The following RALY variants were observed in gnomAD, a reference collection of about 807,000 sequenced individuals.
RALY encodes RALY heterogeneous nuclear ribonucleoprotein.
A neutral mutation model predicts 30.7 loss-of-function variants in RALY; 15 were observed. The observed-to-expected ratio is 0.49, with a 90% CI of 0.33 to 0.75. The LOEUF (loss-of-function observed/expected upper bound fraction) is 0.75. Ranked by LOEUF, RALY falls within the 30% of genes least tolerant of loss-of-function variation. RALY has a pLI of 0.02. For missense variants in RALY, 339 were observed against 414.3 expected (o/e 0.82, Z 1.58); for synonymous variants, 177 against 170.8 (o/e 1.04, Z -0.28).
At chr20:34,047,545 C>T (rs1324383340) in intron 2 of RALY, among the ~76,000 whole-genome samples, 2 of 152,160 alleles carry the variant, frequency 1.3e-5, no homozygotes, top group Non-Finnish European at 2.9e-5. Context: ...GCCATCTCTG[C>T]CATTCAAGAC....
At chr20:34,004,620 A>G (rs1220719640) in intron 1 of RALY, among the ~76,000 whole-genome samples, 2 of 152,260 alleles carry the variant, frequency 1.3e-5, no homozygotes, top group Non-Finnish European at 2.9e-5. Flanking sequence ...AGAGCAGAAC[A>G]AGGTCATGTC....
intron 6 of RALY, among the ~76,000 whole-genome samples, 193 bp from the exon 7 acceptor site, chr20:34,076,509 C>T (rs2033881613): frequency 1.3e-5 from 2 of 152,188 alleles, no homozygotes; most frequent in African/African-American, 2.4e-5. Context: ...TAGCCAGGTT[C>T]AGAAGTGTGT....
At chr20:34,054,171 T>G (rs188407552) in intron 2 of RALY, among the ~76,000 whole-genome samples, 1 of 152,376 alleles carries the variant, frequency 6.6e-6, no homozygotes, top group African/African-American at 2.4e-5. Flanking sequence ...TGTTGTATCA[T>G]GTACCTTGGG....
intron 1 of RALY, among the ~76,000 whole-genome samples, chr20:33,999,935 C>T (rs1448149762): frequency 6.6e-6 from 1 of 152,068 alleles, no homozygotes; most frequent in East Asian, 1.9e-4. Context: ...TTTTATGATT[C>T]TAGGTGGTGG....
At chr20:34,010,838 G>A (rs575924800) in intron 1 of RALY, among the ~76,000 whole-genome samples, 32 of 152,228 alleles carry the variant, frequency 2.1e-4, no homozygotes, top group African/African-American at 7.7e-4. Context: ...AGGGATTGCT[G>A]TGTTTGTGGA....
chr20:33,999,931 G>A (rs1478999284), intron 1 of RALY, among the ~76,000 whole-genome samples: 1 of 152,134 alleles, frequency 6.6e-6, no homozygotes, highest in African/African-American at 2.4e-5. Flanking sequence ...TACATTTTAT[G>A]ATTCTAGGTG....
chr20:34,052,484 C>T (rs1281109533), intron 2 of RALY, among the ~76,000 whole-genome samples: 3 of 152,164 alleles, frequency 2.0e-5, no homozygotes, highest in African/African-American at 4.8e-5. Flanking sequence ...ATTTGTACTC[C>T]ACTATTGTTC....
At chr20:34,019,389 A>G (rs946064384) in intron 1 of RALY, among the ~76,000 whole-genome samples, 1 of 151,996 alleles carries the variant, frequency 6.6e-6, no homozygotes, top group African/African-American at 2.4e-5. Context: ...AACTCAGCAC[A>G]GGTGAGAGCA....
intron 3 of RALY, among the ~76,000 whole-genome samples, chr20:34,073,261 G>A (rs1024375313): frequency 1.3e-5 from 2 of 151,770 alleles, no homozygotes; most frequent in African/African-American, 4.8e-5. Flanking sequence ...GTGTATTTGA[G>A]AATGCATATA....
intron 1 of RALY, among the ~76,000 whole-genome samples, chr20:33,998,441 A>G (rs987004617): frequency 1.3e-5 from 2 of 152,256 alleles, no homozygotes; most frequent in African/African-American, 4.8e-5. Flanking sequence ...TAATAGGTTA[A>G]GACCATCCCG....
intron 1 of RALY, among the ~76,000 whole-genome samples, chr20:34,023,889 T>G (rs932699381): frequency 3.3e-5 from 5 of 152,216 alleles, no homozygotes; most frequent in Admixed American, 6.5e-5. Context: ...ACATATCAGT[T>G]TTTGAATAGG....
At chr20:34,075,822 G>A (rs548714887) in intron 5 of RALY, 52 bp from the exon 6 acceptor site, 206 of 1,566,526 alleles carry the variant, frequency 1.3e-4, no homozygotes, top group Non-Finnish European at 1.7e-4. Context: ...CTGCAATACC[G>A]CCCTGGTGGC....
At chr20:34,036,902 T>A (rs566619077) in intron 2 of RALY, among the ~76,000 whole-genome samples, 1 of 152,188 alleles carries the variant, frequency 6.6e-6, no homozygotes, top group Non-Finnish European at 1.5e-5. Context: ...TTGGTTTCAT[T>A]GTTTTTCTTT....
chr20:34,051,199 G>A (rs2033067460), intron 2 of RALY, among the ~76,000 whole-genome samples: 1 of 152,174 alleles, frequency 6.6e-6, no homozygotes, highest in South Asian at 2.1e-4. Context: ...TGTGAGGGAA[G>A]CAGTGTAAGG....
chr20:34,046,522 G>A (rs910920754), intron 2 of RALY, among the ~76,000 whole-genome samples: 5 of 152,138 alleles, frequency 3.3e-5, no homozygotes, highest in African/African-American at 7.2e-5. Context: ...AATGCCCTTT[G>A]CCTTTTTCGT....
chr20:34,014,848 T>C (rs2031545556), intron 1 of RALY: 1 of 152,216 alleles, frequency 6.6e-6, no homozygotes, highest in Non-Finnish European at 1.5e-5. Flanking sequence ...ACTGTTAATA[T>C]CTGGAAAGTA....
chr20:34,028,995 A>G (rs1157129973), intron 1 of RALY, among the ~76,000 whole-genome samples: 4 of 152,092 alleles, frequency 2.6e-5, no homozygotes, highest in African/African-American at 2.4e-5. Flanking sequence ...CATTAGGACC[A>G]TTAGTCTGGC....
At chr20:34,012,285 A>C (rs1047090281) in intron 1 of RALY, among the ~76,000 whole-genome samples, 2 of 151,984 alleles carry the variant, frequency 1.3e-5, no homozygotes, top group African/African-American at 4.8e-5. Context: ...GCAGGTGGTA[A>C]TGTGCTGAGC....
chr20:34,060,892 G>A (rs1009891546), intron 2 of RALY, among the ~76,000 whole-genome samples: 1 of 152,204 alleles, frequency 6.6e-6, no homozygotes, highest in Admixed American at 6.5e-5. Context: ...GATTGAAGGT[G>A]CACTAATTGT....
Sources: allele counts gnomAD v4.1 joint callset (sites outside exome capture counted in the v4.1 genomes callset), GRCh38; gene constraint gnomAD v4.1.1; transcripts MANE v1.5; gene names NCBI Gene and HGNC (gene_info 2026-07-23, HGNC 2026-07-21).